NIPBL: variants seen among roughly 807,000 people sequenced by gnomAD.
NIPBL encodes NIPBL cohesin loading factor.
In NIPBL, 19 loss-of-function variants were observed where a neutral mutation model predicts 321.8. The observed-to-expected ratio is 0.06, with a 90% confidence interval of 0.04 to 0.09. NIPBL has a LOEUF of 0.09. NIPBL is among the 10% of genes least tolerant of loss of function. The pLI is 1.00. For missense variants in NIPBL, 2,210 were observed against 3,327.0 expected (o/e 0.66, Z 8.26); for synonymous variants, 1,106 against 1,114.1 (o/e 0.99, Z 0.14).
intron 10 of NIPBL, among the ~76,000 whole-genome samples, chr5:36,988,945 A>G (rs539793683): frequency 1.3e-5 from 2 of 152,314 alleles, no homozygotes; most frequent in South Asian, 4.1e-4. Context: ...ATAAATGTAA[A>G]GTGGCATTGT....
chr5:37,025,447 G>A (rs964536131), intron 30 of NIPBL, among the ~76,000 whole-genome samples: 5 of 152,010 alleles, frequency 3.3e-5, no homozygotes, highest in Admixed American at 1.3e-4. Flanking sequence ...TCACTCATGC[G>A]TGGAAGCTTA....
chr5:36,899,438 G>T (rs940273796), intron 1 of NIPBL, among the ~76,000 whole-genome samples: 6 of 151,824 alleles, frequency 4.0e-5, no homozygotes, highest in African/African-American at 1.2e-4. Flanking sequence ...TGCTTTCTTT[G>T]TTTTATACCT....
intron 24 of NIPBL, among the ~76,000 whole-genome samples, 180 bp from the exon 25 acceptor site, chr5:37,019,129 CTT>C (rs1355325229): frequency 6.6e-6 from 1 of 152,062 alleles, no homozygotes. Context: ...AAAAGGCAAA[CTT>C]CAGCTATCAA....
chr5:36,919,210 A>C (rs985109918), intron 1 of NIPBL, among the ~76,000 whole-genome samples: 7 of 152,160 alleles, frequency 4.6e-5, no homozygotes, highest in East Asian at 1.9e-4. Flanking sequence ...TTATTCCCCC[A>C]AAAAATTAGT....
chr5:36,881,557 G>T (rs2149515101), intron 1 of NIPBL, among the ~76,000 whole-genome samples: 1 of 152,046 alleles, frequency 6.6e-6, no homozygotes, highest in East Asian at 1.9e-4. Context: ...TGAGGAACCT[G>T]AGGCTGGAAA....
In NIPBL at chr5:36,918,886, C is replaced by T. The variant is rs971001884; in HGVS notation, c.-79-34732C>T. 7.2e-5 allele frequency among the ~76,000 whole-genome samples: 11 copies of T among 152,136 alleles called. No homozygotes were observed. In the South Asian group the frequency reaches 1.2e-3, roughly 17 times the overall value. ...CCCAAGGATGAAACCCACTTGATCA[C>T]GGTGGATAAGCTTTTTGATGTGCTG... On this transcript the variant is annotated intron_variant, in intron 1 of 46. Transcript: ENST00000282516.
intron 6 of NIPBL, among the ~76,000 whole-genome samples, 185 bp downstream of exon 6, chr5:36,962,459 T>A (rs1741733102): frequency 6.6e-6 from 1 of 152,248 alleles, no homozygotes; most frequent in Admixed American, 6.5e-5. Context: ...TGAAAATTTG[T>A]CATTTTAGGA....
In NIPBL at chr5:36,886,293, C is replaced by T. The variant is rs150761808; in HGVS notation, c.-80+9115C>T. The T allele has an allele frequency of 1.7e-4, 112 of 674,902 alleles. No individual in the cohort carries two copies. The African/African-American group carries it at 1.7e-3, about 10-fold the overall frequency. The allele number at this position is 674,902 out of a possible 1,614,324, so 41.8% of individuals were successfully genotyped here. ...AGGGGCAGCACCAGGCCCAGGAGTA[C>T]GAGACCATGCTGAACATCAAGGTCA... On this transcript the variant is annotated intron_variant, in intron 1 of 46. Transcript: ENST00000282516.
intron 10 of NIPBL, among the ~76,000 whole-genome samples, chr5:36,987,358 A>G (rs1320388225): frequency 1.3e-5 from 2 of 152,212 alleles, no homozygotes; most frequent in African/African-American, 4.8e-5. Flanking sequence ...ATTTAAATTT[A>G]AGTTAACTAA....
chr5:36,883,554 C>CT (rs1427608725), intron 1 of NIPBL, among the ~76,000 whole-genome samples: 23 of 94,662 alleles, frequency 2.4e-4, no homozygotes, highest in Middle Eastern at 5.4e-3. Flanking sequence ...ATGTCTAAAA[C>CT]ACTAATTATT....
chr5:37,007,993 T>C lies in NIPBL; in HGVS notation c.4240-15T>C. The C allele has an allele frequency of 6.6e-7, 1 of 1,514,566 alleles. No homozygotes were observed. The highest frequency in any genetic ancestry group is 1.4e-5 in the African/African-American group (1 of 73,096). The allele number at this position is 1,514,566 out of a possible 1,614,324, so 93.8% of individuals were successfully genotyped here. ...AACTAAAGGTGTATACTACTTACTCTTCTTTTTTAAACAGGTTTCATCTAT... is the reference window on the plus strand; with the variant it reads ...AACTAAAGGTGTATACTACTTACTCCTCTTTTTTAAACAGGTTTCATCTAT... On this transcript the variant is annotated splice_polypyrimidine_tract_variant and intron_variant, in intron 18 of 46. Transcript: ENST00000282516.
chr5:37,006,340 AC>A lies in NIPBL; in HGVS notation c.3856-16del, dbSNP rs770407198. 7.7e-7 allele frequency: 1 copy of A among 1,300,622 alleles called. No homozygotes were observed. Among genetic ancestry groups the A allele is most frequent in the African/African-American group, 1.5e-5 (1 of 68,846 alleles). The allele number at this position is 1,300,622 out of a possible 1,614,324, so 80.6% of individuals were successfully genotyped here. A position where few individuals can be genotyped will look rare whatever the true frequency, so the allele number is the denominator to read the frequency against. ...AAATGTGTTTATTTCCATTTCATTA[AC>A]AATACTGTTTTACAGAATAACGATA... is the stretch of plus-strand genomic sequence containing the variant. On this transcript the variant is annotated splice_polypyrimidine_tract_variant and intron_variant, in intron 16 of 46. Coordinates refer to ENST00000282516, the MANE Select transcript of NIPBL (RefSeq NM_133433.4).
intron 1 of NIPBL, among the ~76,000 whole-genome samples, chr5:36,897,687 G>A (rs969279092): frequency 6.6e-6 from 1 of 152,196 alleles, no homozygotes; most frequent in African/African-American, 2.4e-5. Context: ...TTTGAGGATT[G>A]TGGTTCAGTA....
intron 41 of NIPBL, 81 bp from the exon 42 acceptor site, chr5:37,052,285 T>A: frequency 9.1e-7 from 1 of 1,101,060 alleles, no homozygotes; most frequent in East Asian, 2.4e-5. Flanking sequence ...GAAGCTAGCC[T>A]CAGAATGTAA....
chr5:36,953,859 A>G (rs1740661495), intron 2 of NIPBL, 99 bp downstream of exon 2: 3 of 1,046,730 alleles, frequency 2.9e-6, no homozygotes, highest in Non-Finnish European at 4.4e-6. Context: ...TTTAAAACAC[A>G]TTTACAGAAA....
At position 37,007,324 on chromosome 5, in the gene NIPBL, A is replaced by G. The variant is rs1383833795; in HGVS notation, c.4089A>G (p.Gly1363=). ...TATCTTGAATTTGTTTCATTTTAGG[A>G]GGCTTATTAAGTTCAAAAGCAAAAC... ...DPVYRLDPHG[G]GLLSSKAKRA... The change falls in exon 18 of 47, where the codon GGA becomes GGG. Residue 1363 remains glycine (G), a splice_region_variant and synonymous_variant. Coordinates refer to ENST00000282516, the MANE Select transcript of NIPBL (RefSeq NM_133433.4). The G allele has an allele frequency of 1.9e-6, 3 of 1,610,584 alleles. No individual in the cohort carries two copies. The highest frequency in any genetic ancestry group is 1.1e-5 in the South Asian group (1 of 90,914).
At chr5:36,946,676 A>G (rs1431557038) in intron 1 of NIPBL, among the ~76,000 whole-genome samples, 1 of 152,076 alleles carries the variant, frequency 6.6e-6, no homozygotes, top group African/African-American at 2.4e-5. Flanking sequence ...GGTGTTAATT[A>G]GCTAAATATT....
chr5:36,958,635 T>G (rs1741252546), intron 4 of NIPBL, among the ~76,000 whole-genome samples: 1 of 152,162 alleles, frequency 6.6e-6, no homozygotes, highest in African/African-American at 2.4e-5. Context: ...AGTAATTGAT[T>G]TAATACTCCT....
chr5:36,923,742 T>C (rs1283878703), intron 1 of NIPBL, among the ~76,000 whole-genome samples: 1 of 152,138 alleles, frequency 6.6e-6, no homozygotes, highest in Non-Finnish European at 1.5e-5. Context: ...TAAATGAGAC[T>C]CTAAGGGGAT....
Sources: allele counts gnomAD v4.1 joint callset (sites outside exome capture counted in the v4.1 genomes callset), GRCh38; gene constraint gnomAD v4.1.1; transcripts MANE v1.5; gene names NCBI Gene and HGNC (gene_info 2026-07-23, HGNC 2026-07-21).